Variants in CASD1 observed in about 807,000 individuals in gnomAD.
CASD1 encodes N-acetylneuraminate (7)9-O-acetyltransferase.
A neutral mutation model predicts 100.0 loss-of-function variants in CASD1; 41 were observed. That is an observed-to-expected ratio of 0.41 (90% CI 0.32 to 0.53). The LOEUF is 0.53. Among genes scored for constraint, CASD1 ranks in the 20% least tolerant of loss-of-function variants. The probability of loss-of-function intolerance (pLI) is 0.25; values close to 1 mark genes in which losing one functional copy is unlikely to be tolerated. For missense variants in CASD1, 774 were observed against 948.7 expected (o/e 0.82, Z 2.42); for synonymous variants, 321 against 315.6 (o/e 1.02, Z -0.18).
intron 5 of CASD1, among the ~76,000 whole-genome samples, chr7:94,532,118 A>T (rs535573941): frequency 6.6e-6 from 1 of 152,304 alleles, no homozygotes; most frequent in East Asian, 1.9e-4. Context: ...AATAGTATAC[A>T]GTAGTCCCCA....
the CASD1 span, chr7:94,629,886 A>T: frequency 6.2e-7 from 1 of 1,605,622 alleles, no homozygotes. Context: ...ACAAATAATG[A>T]GATACGCCCT....
At chr7:94,531,005 A>T (rs957624033) in intron 5 of CASD1, among the ~76,000 whole-genome samples, 1 of 152,160 alleles carries the variant, frequency 6.6e-6, no homozygotes, top group South Asian at 2.1e-4. Context: ...GGCTCTCAGG[A>T]CAGTTTTAAT....
At chr7:94,586,215 A>G in the CASD1 span, among the ~76,000 whole-genome samples, 1 of 152,138 alleles carries the variant, frequency 6.6e-6, no homozygotes, top group Admixed American at 6.6e-5. Flanking sequence ...ACATGTGCAT[A>G]ATGTTCTGTG....
chr7:94,633,886 A>G, the CASD1 span, among the ~76,000 whole-genome samples: 1 of 152,232 alleles, frequency 6.6e-6, no homozygotes. Context: ...GCACAGGCAC[A>G]CACACAGCCC....
At chr7:94,554,390 T>G in intron 16 of CASD1, 93 bp from the exon 17 acceptor site, 1 of 771,294 alleles carries the variant, frequency 1.3e-6, no homozygotes, top group Non-Finnish European at 2.1e-6. Context: ...TTCACAAACA[T>G]AAAGAATAAG....
intron 1 of CASD1, among the ~76,000 whole-genome samples, chr7:94,514,769 GTTTC>G (rs1793889099): frequency 6.6e-6 from 1 of 152,036 alleles, no homozygotes; most frequent in African/African-American, 2.4e-5. Context: ...CTGTCTCTTA[GTTTC>G]TTTGTGTGTG....
the CASD1 span, among the ~76,000 whole-genome samples, chr7:94,616,472 T>C: frequency 2.0e-5 from 3 of 152,216 alleles, no homozygotes; most frequent in African/African-American, 7.2e-5. Context: ...ACAAGGGATA[T>C]AATTCCTTTG....
the CASD1 span, among the ~76,000 whole-genome samples, chr7:94,610,191 C>T: frequency 6.6e-6 from 1 of 152,068 alleles, no homozygotes; most frequent in Non-Finnish European, 1.5e-5. Flanking sequence ...CAATGATTGC[C>T]AGAAGTTGGG....
At chr7:94,631,372 G>A in the CASD1 span, among the ~76,000 whole-genome samples, 2 of 151,698 alleles carry the variant, frequency 1.3e-5, no homozygotes, top group Admixed American at 6.6e-5. Flanking sequence ...GAAGATGAAA[G>A]AGACCCTGCC....
At chr7:94,603,863 T>C in the CASD1 span, among the ~76,000 whole-genome samples, 1 of 152,150 alleles carries the variant, frequency 6.6e-6, no homozygotes, top group East Asian at 1.9e-4. Context: ...AATAACTAAG[T>C]AATACATTTC....
the CASD1 span, among the ~76,000 whole-genome samples, chr7:94,592,959 A>G: frequency 6.6e-6 from 1 of 152,136 alleles, no homozygotes. Context: ...TTGGAAAACA[A>G]TGGCTCTGAA....
downstream of CASD1, among the ~76,000 whole-genome samples, chr7:94,561,459 C>T (rs368186931): frequency 3.9e-5 from 6 of 152,110 alleles, no homozygotes; most frequent in South Asian, 2.1e-4. Context: ...TTGGGAATTG[C>T]GGGGAGGGCA....
the CASD1 span, among the ~76,000 whole-genome samples, chr7:94,593,780 A>T: frequency 1.3e-5 from 2 of 151,984 alleles, no homozygotes; most frequent in Non-Finnish European, 2.9e-5. Flanking sequence ...CACATGGGGG[A>T]ATTTAGGAAA....
intron 9 of CASD1, among the ~76,000 whole-genome samples, chr7:94,538,572 T>C (rs1329804309): frequency 6.6e-6 from 1 of 152,166 alleles, no homozygotes; most frequent in African/African-American, 2.4e-5. Flanking sequence ...CAGTAAAGTG[T>C]AGGGGAAGTG....
At chr7:94,544,565 T>C in intron 11 of CASD1, 35 bp downstream of exon 11, 1 of 1,588,358 alleles carries the variant, frequency 6.3e-7, no homozygotes, top group Non-Finnish European at 8.5e-7. Context: ...TTCTTCCAGT[T>C]GAACATACTT....
the CASD1 span, among the ~76,000 whole-genome samples, chr7:94,608,690 A>G: frequency 1.3e-5 from 2 of 152,238 alleles, no homozygotes; most frequent in Non-Finnish European, 2.9e-5. Context: ...AAGCTACAGC[A>G]ATCAAGACAG....
At chr7:94,597,245 C>G in the CASD1 span, 1 of 152,206 alleles carries the variant, frequency 6.6e-6, no homozygotes, top group Non-Finnish European at 1.5e-5. Context: ...TACCCACTAC[C>G]CATTACTTAC....
chr7:94,551,242 A>T, intron 14 of CASD1, 96 bp from the exon 15 acceptor site: 1 of 928,220 alleles, frequency 1.1e-6, no homozygotes, highest in Non-Finnish European at 1.6e-6. Context: ...CTTTTAACCT[A>T]CCTACTTTTA....
intron 3 of CASD1, among the ~76,000 whole-genome samples, chr7:94,521,684 GAT>G (rs1794281975): frequency 6.6e-6 from 1 of 152,062 alleles, no homozygotes; most frequent in South Asian, 2.1e-4. Context: ...ATATACATAT[GAT>G]ATACATACGC....
Sources: allele counts gnomAD v4.1 joint callset (sites outside exome capture counted in the v4.1 genomes callset), GRCh38; gene constraint gnomAD v4.1.1; transcripts MANE v1.5; gene names NCBI Gene and HGNC (gene_info 2026-07-23, HGNC 2026-07-21).